RYR2: variants seen among roughly 807,000 people sequenced by gnomAD.
RYR2 encodes the protein cardiac muscle ryanodine receptor-calcium release channel.
Under a neutral mutation model 601.1 loss-of-function variants are expected in RYR2, and 227 were observed. The ratio of observed to expected loss-of-function variants is 0.38; its 90% CI spans 0.34 to 0.42. The LOEUF (loss-of-function observed/expected upper bound fraction) is 0.42. Ranked by LOEUF, RYR2 falls within the 10% of genes least tolerant of loss-of-function variation. RYR2 has a pLI of 1.00. For synonymous variants in RYR2, 2,223 were observed against 2,175.1 expected, an observed-to-expected ratio of 1.02 and a Z score of -0.61; for missense variants, 4,646 against 6,156.5, an observed-to-expected ratio of 0.75 and a Z score of 8.21.
At position 237,489,431 on chromosome 1, in the gene RYR2, C is replaced by T. The variant is rs536485660; in HGVS notation, c.1709-2375C>T. Among the ~76,000 whole-genome samples the T allele has an allele frequency of 2.2e-4, 33 of 152,196 alleles. 1 individual carries two copies. In the South Asian group the frequency reaches 5.8e-3, roughly 27 times the overall value. ...CAGCACTTTAGGAGACCAAGGTGGG[C>T]GGATCGCCTGAGATCAGGAGTTCGA... On this transcript the variant is annotated intron_variant, in intron 17 of 104. Coordinates refer to ENST00000366574, the MANE Select transcript of RYR2 (RefSeq NM_001035.3).
rs1687599373 is a variant in RYR2 at position 237,697,536 on chromosome 1, AT to A, written c.9068-1423del. On this transcript the variant is annotated intron_variant, in intron 63 of 104. Transcript: ENST00000366574. ...TATAATCTTTTTGTATATAACAAAT[AT>A]TTTTTATATATATTTAACTGTGGCC... is the stretch of plus-strand genomic sequence containing the variant. 2.8e-5 allele frequency among the ~76,000 whole-genome samples: 4 copies of A among 144,726 alleles called. No individual in the cohort carries two copies. In the South Asian group the frequency reaches 6.3e-4, roughly 23 times the overall value. The allele number at this position is 144,726 out of a possible 152,430, so 94.9% of individuals were successfully genotyped here.
intron 27 of RYR2, among the ~76,000 whole-genome samples, chr1:237,562,053 A>G (rs2779393): frequency 0.53 from 80,515 of 152,020 alleles, 23,298 homozygotes; most frequent in Admixed American, 0.66. Context: ...ATAAAATTGA[A>G]TCAAGCCTTA....
chr1:237,413,306 A>T (rs543605676), intron 10 of RYR2, among the ~76,000 whole-genome samples: 41 of 152,350 alleles, frequency 2.7e-4, no homozygotes, highest in African/African-American at 9.9e-4. Flanking sequence ...CCTTCAAGAT[A>T]GAGCTAAAAA....
intron 1 of RYR2, among the ~76,000 whole-genome samples, chr1:237,087,779 G>C (rs1666516535): frequency 1.3e-5 from 2 of 152,096 alleles, no homozygotes; most frequent in South Asian, 4.1e-4. Context: ...AGTGGGGCTT[G>C]GATGTGTTTG....
intron 24 of RYR2, among the ~76,000 whole-genome samples, chr1:237,512,299 A>G (rs955949554): frequency 6.6e-6 from 1 of 152,190 alleles, no homozygotes; most frequent in Admixed American, 6.5e-5. Flanking sequence ...ATTTTATTGT[A>G]TTATATCAGG....
At chr1:237,667,860 A>T in intron 57 of RYR2, 23 bp from the exon 58 acceptor site, 2 of 1,528,932 alleles carry the variant, frequency 1.3e-6, no homozygotes, top group Non-Finnish European at 1.8e-6. Flanking sequence ...TATTGAAACG[A>T]TAAATATTTT....
rs541114522 is a variant in RYR2, at chr1:237,141,363, G to T, written c.48+98794G>T. On this transcript the variant is annotated intron_variant, in intron 1 of 104. Coordinates refer to ENST00000366574, the MANE Select transcript of RYR2 (RefSeq NM_001035.3). Reference sequence around the variant, plus strand: ...TTTGGTGAGAATTTTTATCGTAAATGATGGTTGAATTTTTTCAAATTCCTT... The same window carrying T: ...TTTGGTGAGAATTTTTATCGTAAATTATGGTTGAATTTTTTCAAATTCCTT... Among the ~76,000 whole-genome samples the T allele has an allele frequency of 2.6e-5, 4 of 152,280 alleles. No individual in the cohort carries two copies. The South Asian group carries it at 8.3e-4, about 32-fold the overall frequency.
At chr1:237,166,364 G>A (rs1041918347) in intron 1 of RYR2, among the ~76,000 whole-genome samples, 2 of 152,224 alleles carry the variant, frequency 1.3e-5, no homozygotes, top group African/African-American at 4.8e-5. Flanking sequence ...AGCCAATTAA[G>A]CATTCTGTTT....
Position 237,456,591 on chromosome 1 carries a change from ACG to A in RYR2, c.1477-8_1477-7del. 6.8e-7 allele frequency: 1 copy of A among 1,459,954 alleles called. No homozygotes were observed. The highest frequency in any genetic ancestry group is 1.5e-5 in the South Asian group (1 of 66,568). 90.4% of individuals were successfully genotyped at this position (1,459,954 alleles called of 1,614,324 possible). On this transcript the variant is annotated splice_polypyrimidine_tract_variant and splice_region_variant and intron_variant, in intron 15 of 104. Transcript: ENST00000366574. ...CTGATTGTGATTTTTTTTTTTTTTA[ACG>A]TTCCAGGGAATGATCAACCTCGTGC... is the stretch of plus-strand genomic sequence containing the variant.
chr1:237,448,510 A>G (rs1205955721), intron 14 of RYR2, among the ~76,000 whole-genome samples: 2 of 152,112 alleles, frequency 1.3e-5, no homozygotes, highest in African/African-American at 4.8e-5. Context: ...TCAATTTAGT[A>G]TTATTTAGAT....
At chr1:237,248,723 GACATAC>G (rs894354533) in intron 1 of RYR2, among the ~76,000 whole-genome samples, 31 of 150,930 alleles carry the variant, frequency 2.1e-4, no homozygotes, top group African/African-American at 7.5e-4. Flanking sequence ...ATTTTTGAAA[GACATAC>G]ACAGATGACT....
chr1:237,649,831 C>A, intron 49 of RYR2, 46 bp from the exon 50 acceptor site: 2 of 1,548,150 alleles, frequency 1.3e-6, no homozygotes, highest in Non-Finnish European at 1.8e-6. Flanking sequence ...TGAAGATTAT[C>A]TACTGCCAAA....
At chr1:237,170,843 T>A (rs1331876194) in intron 1 of RYR2, among the ~76,000 whole-genome samples, 1 of 151,966 alleles carries the variant, frequency 6.6e-6, no homozygotes. Context: ...AGGTGTAGGT[T>A]TCTGTTTAGG....
At chr1:237,768,353 A>G (rs193010513) in intron 84 of RYR2, among the ~76,000 whole-genome samples, 26 of 152,316 alleles carry the variant, frequency 1.7e-4, no homozygotes, top group African/African-American at 6.0e-4. Flanking sequence ...CAGATTATGA[A>G]GAGCCAGTGA....
intron 101 of RYR2, among the ~76,000 whole-genome samples, chr1:237,822,044 G>A (rs1027809006): frequency 4.6e-5 from 7 of 152,150 alleles, no homozygotes; most frequent in East Asian, 1.9e-4. Context: ...CCAAATATAC[G>A]TTTGATTGGT....
intron 14 of RYR2, among the ~76,000 whole-genome samples, chr1:237,447,225 T>C (rs1354737825): frequency 6.6e-6 from 1 of 152,188 alleles, no homozygotes; most frequent in Non-Finnish European, 1.5e-5. Context: ...GAAAACTATT[T>C]TGTGGGAAAG....
intron 27 of RYR2, among the ~76,000 whole-genome samples, chr1:237,552,491 G>A (rs1216375886): frequency 2.0e-5 from 3 of 152,096 alleles, no homozygotes; most frequent in East Asian, 1.9e-4. Context: ...AACCACTACC[G>A]AAAACACCTC....
Position 237,698,973 on chromosome 1 carries a change from G to A in RYR2, c.9076G>A (p.Ala3026Thr). 6.5e-7 allele frequency: 1 copy of A among 1,549,416 alleles called. No homozygotes were observed. The highest frequency in any genetic ancestry group is 8.8e-7 in the Non-Finnish European group (1 of 1,140,936). Reference sequence around the variant, plus strand: ...TTTTGTTTCCTCTTTAGGCAATGATGCAACATCAATTGTCAACTGTCTTCA... The same window carrying A: ...TTTTGTTTCCTCTTTAGGCAATGATACAACATCAATTGTCAACTGTCTTCA... ...RHRISLFGND[A>T]TSIVNCLHIL... Residue 3026 changes from alanine to threonine, a missense_variant, in exon 64 of 105, where the codon GCA (alanine) becomes ACA (threonine). Ala to Thr is a moderately conservative substitution (Grantham distance 58, BLOSUM62 0). Coordinates refer to ENST00000366574, the MANE Select transcript of RYR2 (RefSeq NM_001035.3).
intron 80 of RYR2, among the ~76,000 whole-genome samples, chr1:237,742,858 A>G (rs897501425): frequency 3.3e-5 from 5 of 152,214 alleles, no homozygotes; most frequent in Non-Finnish European, 7.3e-5. Flanking sequence ...ATATATCCCT[A>G]GGACTGTATT....
Sources: allele counts gnomAD v4.1 joint callset (sites outside exome capture counted in the v4.1 genomes callset), GRCh38; gene constraint gnomAD v4.1.1; transcripts MANE v1.5; gene names NCBI Gene and HGNC (gene_info 2026-07-23, HGNC 2026-07-21).